The following ANKUB1 variants were observed in gnomAD, a reference collection of about 807,000 sequenced individuals.
ANKUB1 encodes the protein ankyrin repeat and ubiquitin domain containing 1, also known as protein ANKUB1.
Under a neutral mutation model 49.3 loss-of-function variants are expected in ANKUB1, and 42 were observed. That is an observed-to-expected ratio of 0.85 (90% CI 0.67 to 1.10). The LOEUF is 1.10. Among genes scored for constraint, ANKUB1 ranks in the 50% least tolerant of loss-of-function variants. ANKUB1 has a pLI of 0.00. For synonymous variants in ANKUB1, 222 were observed against 231.0 expected (o/e 0.96, Z 0.35); for missense variants, 613 against 642.0 (o/e 0.95, Z 0.49).
At chr3:149,790,736 A>G in intron 2 of ANKUB1, 45 bp downstream of exon 2, 1 of 1,502,318 alleles carries the variant, frequency 6.7e-7, no homozygotes, top group Middle Eastern at 1.7e-4. Flanking sequence ...ACTTTATTCA[A>G]AATGAGATAG....
intron 2 of ANKUB1, among the ~76,000 whole-genome samples, chr3:149,787,075 T>C (rs775771122): frequency 1.4e-4 from 21 of 152,234 alleles, no homozygotes; most frequent in Non-Finnish European, 2.5e-4. Context: ...TGGTTCCATA[T>C]GAACTTTAAA....
chr3:149,785,737 T>G (rs1458266685), intron 2 of ANKUB1, among the ~76,000 whole-genome samples: 1 of 152,194 alleles, frequency 6.6e-6, no homozygotes, highest in East Asian at 1.9e-4. Flanking sequence ...GCATGTGTCT[T>G]TATAGCAGCA....
chr3:149,790,813 A>G lies in ANKUB1; in HGVS notation c.202T>C (p.Ser68Pro). Reference protein sequence around the residue: ...DSWSLADVGISFCSTLKCFVK... With the variant: ...DSWSLADVGIPFCSTLKCFVK... The stretch of plus-strand genomic sequence containing the variant: ...AAGCATTTGAGAGTTGAACAGAAAG[A>G]TATTCCAACATCAGCAAGACTCCAA... Residue 68 changes from serine to proline, a missense_variant, in exon 2 of 6, where the codon TCT becomes CCT. Transcript: ENST00000446160. 1.9e-6 allele frequency: 3 copies of G among 1,551,860 alleles called. No homozygotes were observed. The highest frequency in any genetic ancestry group is 2.4e-5 in the South Asian group (2 of 84,032).
intron 3 of ANKUB1, among the ~76,000 whole-genome samples, chr3:149,771,655 T>C (rs1440629652): frequency 2.6e-5 from 4 of 152,210 alleles, no homozygotes; most frequent in Non-Finnish European, 4.4e-5. Context: ...TTGAAGATTT[T>C]TTTTTCATGC....
At chr3:149,781,438 T>C (rs769899449) in intron 2 of ANKUB1, among the ~76,000 whole-genome samples, 2 of 152,158 alleles carry the variant, frequency 1.3e-5, no homozygotes, top group Non-Finnish European at 2.9e-5. Context: ...GACAATAATA[T>C]TTTTCTGCAA....
chr3:149,764,022 C>T (rs989282083), intron 5 of ANKUB1: 11 of 456,120 alleles, frequency 2.4e-5, no homozygotes, highest in African/African-American at 2.2e-4. Context: ...GGTCACTTTA[C>T]CCACCTGATC....
chr3:149,763,439 A>G (rs984997008), intron 5 of ANKUB1, among the ~76,000 whole-genome samples: 12 of 152,250 alleles, frequency 7.9e-5, no homozygotes, highest in African/African-American at 2.9e-4. Flanking sequence ...TATGTGCTGG[A>G]GATACAAAAG....
chr3:149,770,492 A>C, intron 4 of ANKUB1, 68 bp downstream of exon 4: 2 of 1,182,370 alleles, frequency 1.7e-6, no homozygotes, highest in Non-Finnish European at 2.4e-6. Flanking sequence ...TTGCAGGCTC[A>C]AGGTATGATG....
chr3:149,787,643 C>A (rs76763525), intron 2 of ANKUB1, among the ~76,000 whole-genome samples: 3,809 of 152,236 alleles, frequency 0.025, 60 homozygotes, highest in Non-Finnish European at 0.03. Context: ...GTTCTTTTCC[C>A]ACTATTCTTG....
chr3:149,764,227 C>T (rs1166099504), intron 5 of ANKUB1, among the ~76,000 whole-genome samples: 3 of 152,102 alleles, frequency 2.0e-5, no homozygotes, highest in Non-Finnish European at 2.9e-5. Context: ...TGACTGTCTA[C>T]TTCAGGTAGA....
chr3:149,788,139 A>G (rs1393871865), intron 2 of ANKUB1, among the ~76,000 whole-genome samples: 1 of 152,212 alleles, frequency 6.6e-6, no homozygotes, highest in Non-Finnish European at 1.5e-5. Context: ...AAATGTGTAT[A>G]TATTTAATTA....
At chr3:149,779,042 A>G (rs1717731273) in intron 3 of ANKUB1, 2 of 152,306 alleles carry the variant, frequency 1.3e-5, no homozygotes, top group African/African-American at 4.8e-5. Flanking sequence ...CTTGTGTGTC[A>G]TCGTCAGGTA....
At chr3:149,773,110 A>G (rs1717438112) in intron 3 of ANKUB1, among the ~76,000 whole-genome samples, 1 of 152,170 alleles carries the variant, frequency 6.6e-6, no homozygotes, top group South Asian at 2.1e-4. Flanking sequence ...TCTAATTCCT[A>G]GAGAGTCTCC....
rs183091511 is a variant in ANKUB1 at position 149,761,270 on chromosome 3, T to C, written c.*214A>G. ...ACTATTCTAAGTTTCTTCTGAATTC[T>C]TCCTCATATTCTTTATGCAAAAATA... On this transcript the variant is annotated 3_prime_UTR_variant, in exon 6 of 6. Transcript: ENST00000446160. 173 of 448,020 alleles carry C rather than the reference T, an allele frequency of 3.9e-4. 1 individual carries two copies. Among genetic ancestry groups the C allele is most frequent in the Admixed American group, 1.3e-3 (34 of 26,220 alleles). 27.8% of individuals were successfully genotyped at this position (448,020 alleles called of 1,614,324 possible).
chr3:149,784,022 T>C (rs1717978992), intron 2 of ANKUB1: 1 of 152,252 alleles, frequency 6.6e-6, no homozygotes, highest in South Asian at 2.1e-4. Flanking sequence ...TTGGTGTTTA[T>C]ACATTAACAG....
intron 2 of ANKUB1, among the ~76,000 whole-genome samples, chr3:149,782,400 A>G (rs770714799): frequency 2.6e-5 from 4 of 152,088 alleles, no homozygotes; most frequent in Non-Finnish European, 5.9e-5. Context: ...GTCACTCTTA[A>G]GTTAACTAGG....
At chr3:149,772,310 T>C (rs1717402376) in intron 3 of ANKUB1, among the ~76,000 whole-genome samples, 1 of 152,170 alleles carries the variant, frequency 6.6e-6, no homozygotes, top group Non-Finnish European at 1.5e-5. Flanking sequence ...TGTGAGCCAT[T>C]GCGCCCGGCA....
intron 3 of ANKUB1, among the ~76,000 whole-genome samples, chr3:149,771,263 TCTTTCCTCAGC>T (rs1214500334): frequency 1.3e-5 from 2 of 152,230 alleles, no homozygotes; most frequent in African/African-American, 2.4e-5. Context: ...TTCCCAGGGA[TCTTTCCTCAGC>T]CTTCCGTTCT....
intron 3 of ANKUB1, among the ~76,000 whole-genome samples, chr3:149,774,907 T>A (rs1045515926): frequency 6.6e-6 from 1 of 152,216 alleles, no homozygotes; most frequent in Non-Finnish European, 1.5e-5. Context: ...AACGCTATAT[T>A]GCTCCAGAAA....
Sources: allele counts gnomAD v4.1 joint callset (sites outside exome capture counted in the v4.1 genomes callset), GRCh38; gene constraint gnomAD v4.1.1; transcripts MANE v1.5; gene names NCBI Gene and HGNC (gene_info 2026-07-23, HGNC 2026-07-21).